PIWIL2: variants seen among roughly 807,000 people sequenced by gnomAD.
PIWIL2 encodes piwi-like protein 2.
A neutral mutation model predicts 116.5 loss-of-function variants in PIWIL2; 81 were observed. That is an observed-to-expected ratio of 0.70 (90% CI 0.58 to 0.84). The LOEUF (loss-of-function observed/expected upper bound fraction) is 0.84, where lower values mean the gene tolerates loss of function less well. Among genes scored for constraint, PIWIL2 ranks in the 40% least tolerant of loss-of-function variants. The pLI is 0.00. For missense variants in PIWIL2, 1,272 were observed against 1,212.3 expected, an observed-to-expected ratio of 1.05 and a Z score of -0.73; for synonymous variants, 489 against 429.5, an observed-to-expected ratio of 1.14 and a Z score of -1.71.
At chr8:22,281,685 T>C (rs78832896) in intron 4 of PIWIL2, among the ~76,000 whole-genome samples, 170 bp downstream of exon 4, 9,240 of 152,004 alleles carry the variant, frequency 0.061, 348 homozygotes, top group Admixed American at 0.091. Flanking sequence ...CAGCTAGGCA[T>C]TGGAAAAGGG....
At chr8:22,289,558 G>A (rs1034555368) in intron 8 of PIWIL2, among the ~76,000 whole-genome samples, 1 of 152,190 alleles carries the variant, frequency 6.6e-6, no homozygotes, top group Non-Finnish European at 1.5e-5. Flanking sequence ...TGCATTCTTC[G>A]TAGTTAGTGG....
At chr8:22,301,784 T>C (rs867343612) in intron 10 of PIWIL2, among the ~76,000 whole-genome samples, 1 of 152,174 alleles carries the variant, frequency 6.6e-6, no homozygotes, top group South Asian at 2.1e-4. Flanking sequence ...CCATTTTGAG[T>C]TAACTTTTAC....
rs1832468841 is a variant in PIWIL2 at position 22,355,479 on chromosome 8, C to T, written c.2896C>T (p.Leu966=). 2 of 1,614,172 alleles carry T rather than the reference C, an allele frequency of 1.2e-6. No individual in the cohort carries two copies. The highest frequency in any genetic ancestry group is 1.1e-5 in the South Asian group (1 of 91,064). ...CTTGCATCATGAACCAGCCATCCAG[C>T]TGTGCGAGAACCTGTTCTTCCTGTG... ...HILHHEPAIQ[L]CENLFFL Residue 966 remains leucine, a synonymous_variant, in exon 23 of 23, where the codon CTG becomes TTG. Transcript: ENST00000356766.
In PIWIL2 at chr8:22,333,800, G is replaced by T. The variant is rs1159997489; in HGVS notation, c.2403+15525G>T. 1.0e-3 allele frequency among the ~76,000 whole-genome samples: 156 copies of T among 151,836 alleles called. 2 individuals are homozygous for T. Among genetic ancestry groups the T allele is most frequent in the Non-Finnish European group, 8.8e-5 (6 of 67,988 alleles). On this transcript the variant is annotated intron_variant, in intron 20 of 22. Coordinates refer to ENST00000356766, the MANE Select transcript of PIWIL2 (RefSeq NM_018068.5). ...GAGGTGATGAAAATGTTATAAAATT[G>T]ACTATGGTGGTGGTTACACATGTAG... is the stretch of plus-strand genomic sequence containing the variant.
intron 20 of PIWIL2, among the ~76,000 whole-genome samples, chr8:22,343,120 A>T (rs186961294): frequency 1.8e-3 from 276 of 152,038 alleles, no homozygotes; most frequent in African/African-American, 6.2e-3. Flanking sequence ...TACAAAACTT[A>T]GGCCAGGCGC....
chr8:22,285,341 A>G (rs1041947618), intron 6 of PIWIL2, among the ~76,000 whole-genome samples: 2 of 152,060 alleles, frequency 1.3e-5, no homozygotes, highest in Non-Finnish European at 2.9e-5. Flanking sequence ...TTCTGTGCCT[A>G]TCTTATTTCA....
chr8:22,322,388 C>G (rs571420189), intron 20 of PIWIL2, among the ~76,000 whole-genome samples: 5 of 152,144 alleles, frequency 3.3e-5, no homozygotes, highest in Non-Finnish European at 5.9e-5. Context: ...GTAGCTGGGA[C>G]TGCAGGCACA....
chr8:22,337,598 G>C (rs980062695), intron 20 of PIWIL2, among the ~76,000 whole-genome samples: 1 of 151,584 alleles, frequency 6.6e-6, no homozygotes, highest in African/African-American at 2.4e-5. Context: ...GGGCGTGGTG[G>C]TGCATGCCTG....
intron 10 of PIWIL2, among the ~76,000 whole-genome samples, chr8:22,294,665 A>G (rs1017478447): frequency 3.3e-5 from 5 of 150,388 alleles, no homozygotes; most frequent in South Asian, 2.1e-4. Context: ...AAAAAAAAAA[A>G]AAAGAAAAAC....
intron 22 of PIWIL2, 73 bp downstream of exon 22, chr8:22,354,451 T>A: frequency 1.1e-6 from 1 of 882,148 alleles, no homozygotes; most frequent in Non-Finnish European, 1.9e-6. Context: ...GGGCTCACTG[T>A]TCACCCCAAA....
At position 22,355,745 on chromosome 8, in the gene PIWIL2, A is replaced by G; in HGVS notation, c.*240A>G. 1 of 495,634 alleles carries G rather than the reference A, an allele frequency of 2.0e-6. No individual in the cohort carries two copies. Among genetic ancestry groups the G allele is most frequent in the Non-Finnish European group, 3.7e-6 (1 of 273,922 alleles). The allele number at this position is 495,634 out of a possible 1,614,324, so 30.7% of individuals were successfully genotyped here. ...TAGAGCAAGTTACGGTGGTACTGCC[A>G]CTCTGCAGGTGGAGCGGGTGACTCT... On this transcript the variant is annotated 3_prime_UTR_variant, in exon 23 of 23. Transcript: ENST00000356766.
intron 22 of PIWIL2, 96 bp downstream of exon 22, chr8:22,354,474 C>A: frequency 1.5e-6 from 1 of 655,042 alleles, no homozygotes; most frequent in South Asian, 2.0e-5. Context: ...ATATTTACCT[C>A]TTGACTTTTC....
At chr8:22,300,251 C>A (rs1312371671) in intron 10 of PIWIL2, among the ~76,000 whole-genome samples, 3 of 152,050 alleles carry the variant, frequency 2.0e-5, no homozygotes, top group Non-Finnish European at 4.4e-5. Flanking sequence ...ACCCAGCAGC[C>A]CACCCACCCA....
At chr8:22,294,339 A>G (rs1211240410) in intron 10 of PIWIL2, among the ~76,000 whole-genome samples, 1 of 138,350 alleles carries the variant, frequency 7.2e-6, no homozygotes. Flanking sequence ...CTGTCTTTAA[A>G]AAAAAAAAAA....
chr8:22,304,109 A>G lies in PIWIL2; in HGVS notation c.1270A>G (p.Asn424Asp), dbSNP rs1831117930. The change falls in exon 11 of 23, where the codon AAT becomes GAT. Residue 424 changes from asparagine (N) to aspartate (D), a missense_variant. By Grantham distance (23) the Asn-to-Asp change is conservative. Coordinates refer to ENST00000356766, the MANE Select transcript of PIWIL2 (RefSeq NM_018068.5). ...CAATATTGTTATCACCCGATATAAC[A>G]ATCGTACCTATCGTATTGATGATGT... ...VGNIVITRYNNRTYRIDDVDW... is the reference protein window; with the variant it reads ...VGNIVITRYNDRTYRIDDVDW... 1.2e-6 allele frequency: 2 copies of G among 1,611,936 alleles called. No individual in the cohort carries two copies. Among genetic ancestry groups the G allele is most frequent in the Admixed American group, 1.7e-5 (1 of 59,998 alleles).
chr8:22,318,036 A>C, intron 19 of PIWIL2, 134 bp from the exon 20 acceptor site: 1 of 587,898 alleles, frequency 1.7e-6, no homozygotes, highest in Non-Finnish European at 3.1e-6. Context: ...TCTTACATAT[A>C]AATGCATTTT....
chr8:22,310,492 T>C (rs1183473255), intron 15 of PIWIL2, among the ~76,000 whole-genome samples: 1 of 152,240 alleles, frequency 6.6e-6, no homozygotes, highest in Non-Finnish European at 1.5e-5. Flanking sequence ...TAATTACTTC[T>C]CAGTGTTTTT....
Position 22,355,345 on chromosome 8 carries a change from A to G in PIWIL2, c.2766-4A>G, listed in dbSNP as rs770833308. On this transcript the variant is annotated splice_polypyrimidine_tract_variant and splice_region_variant and intron_variant, in intron 22 of 22. Transcript: ENST00000356766. ...GAGAATTATATTTTCTTCTTGGCCT[A>G]CAGGCTGACTTTCAAACTGTGCCAC... 2 of 1,614,088 alleles carry G rather than the reference A, an allele frequency of 1.2e-6. No individual in the cohort carries two copies. The highest frequency in any genetic ancestry group is 1.1e-5 in the South Asian group (1 of 91,080).
chr8:22,289,935 C>G lies in PIWIL2; in HGVS notation c.1067+8C>G. ...GGTACTACAGCAACACAGGTTGGTA[C>G]TTTTTTCCCTTCCCTCACTTTTGAA... On this transcript the variant is annotated splice_region_variant and intron_variant, in intron 9 of 22. Coordinates refer to ENST00000356766, the MANE Select transcript of PIWIL2 (RefSeq NM_018068.5). 6.4e-7 allele frequency: 1 copy of G among 1,571,438 alleles called. No individual in the cohort carries two copies. The highest frequency in any genetic ancestry group is 1.1e-5 in the South Asian group (1 of 89,830).
Sources: gnomAD v4.1 joint callset for allele counts (sites outside exome capture counted in the v4.1 genomes callset) on GRCh38, gnomAD v4.1.1 for gene constraint, MANE v1.5 for transcripts, NCBI Gene and HGNC (gene_info 2026-07-23, HGNC 2026-07-21) for gene names.